Variants in TEX9 observed in about 807,000 individuals in gnomAD.
TEX9 encodes testis expressed 9, also known as testis-expressed protein 9.
Under a neutral mutation model 59.6 loss-of-function variants are expected in TEX9, and 74 were observed. The observed-to-expected ratio is 1.24, with a 90% CI of 1.03 to 1.51. TEX9 has a LOEUF of 1.51. Among genes scored for constraint, TEX9 ranks in the 40% most tolerant of loss-of-function variants. The probability of loss-of-function intolerance (pLI) is 0.00; values close to 1 mark genes in which losing one functional copy is unlikely to be tolerated. For synonymous variants in TEX9, 186 were observed against 152.2 expected (o/e 1.22, Z -1.64); for missense variants, 522 against 447.8 (o/e 1.17, Z -1.49).
intron 1 of TEX9, among the ~76,000 whole-genome samples, chr15:56,270,103 T>G (rs1468379453): frequency 2.0e-5 from 3 of 152,218 alleles, no homozygotes; most frequent in Non-Finnish European, 4.4e-5. Context: ...GATGTGGTGC[T>G]GAGAAGAATG....
At chr15:56,299,701 G>A (rs1593457) in intron 1 of TEX9, among the ~76,000 whole-genome samples, 52,892 of 151,942 alleles carry the variant, frequency 0.35, 10,584 homozygotes, top group Non-Finnish European at 0.45. Context: ...CAGCTCAACC[G>A]CAGTACAATG....
intron 5 of TEX9, among the ~76,000 whole-genome samples, chr15:56,388,892 A>C (rs2048080621): frequency 6.6e-6 from 1 of 152,064 alleles, no homozygotes; most frequent in African/African-American, 2.4e-5. Context: ...GTGACAGTGT[A>C]GAGATCACTC....
intron 1 of TEX9, among the ~76,000 whole-genome samples, chr15:56,293,832 C>T (rs555686915): frequency 6.6e-6 from 1 of 152,318 alleles, no homozygotes; most frequent in South Asian, 2.1e-4. Flanking sequence ...GGGAGGATGA[C>T]CAGAAGCTCC....
exon 6 of TEX9, chr15:56,389,326 C>A: frequency 6.2e-7 from 1 of 1,610,200 alleles, no homozygotes; most frequent in South Asian, 1.1e-5. Context: ...AGCCAAAGAC[C>A]AAAAACATTG....
intron 9 of TEX9, chr15:56,396,055 T>C (rs1432304146): frequency 6.6e-6 from 1 of 152,198 alleles, no homozygotes; most frequent in African/African-American, 2.4e-5. Context: ...TTAAATAAAC[T>C]ATCCTAGCTT....
At chr15:56,343,003 G>C (rs1305206500) in intron 1 of TEX9, among the ~76,000 whole-genome samples, 1 of 152,112 alleles carries the variant, frequency 6.6e-6, no homozygotes, top group African/African-American at 2.4e-5. Flanking sequence ...GCTGTATAAT[G>C]CTCCAACTTG....
intron 1 of TEX9, among the ~76,000 whole-genome samples, chr15:56,278,998 T>C (rs764398619): frequency 6.6e-6 from 1 of 152,214 alleles, no homozygotes; most frequent in African/African-American, 2.4e-5. Flanking sequence ...TTTAAAAATA[T>C]GATTTTTGTC....
chr15:56,283,519 T>C (rs1309980094), intron 1 of TEX9, among the ~76,000 whole-genome samples: 1 of 152,186 alleles, frequency 6.6e-6, no homozygotes, highest in Non-Finnish European at 1.5e-5. Flanking sequence ...GACAGAGTTA[T>C]TCAATAAATT....
At position 56,403,482 on chromosome 15, in the gene TEX9, G is replaced by C. The variant is rs544336130; in HGVS notation, c.828+8648G>C. ...AACCACTGCTCAATGAAATAAAAGAGGACACAAACAAATGGAAGGACATTC... is the reference window on the plus strand; with the variant it reads ...AACCACTGCTCAATGAAATAAAAGACGACACAAACAAATGGAAGGACATTC... On this transcript the variant is annotated intron_variant, in intron 9 of 12. Coordinates refer to ENST00000352903, the Ensembl canonical transcript of TEX9. Among the ~76,000 whole-genome samples, 4 of 152,250 alleles carry C rather than the reference G, an allele frequency of 2.6e-5. No individual in the cohort carries two copies. In the South Asian group the frequency reaches 6.2e-4, roughly 24 times the overall value.
At chr15:56,345,066 CAT>C (rs1567093128) in intron 1 of TEX9, among the ~76,000 whole-genome samples, 1 of 135,038 alleles carries the variant, frequency 7.4e-6, no homozygotes, top group Non-Finnish European at 1.6e-5. Context: ...TACACACACA[CAT>C]ATATATATGT....
chr15:56,384,803 T>TAAGAC (rs2047890321), intron 4 of TEX9, among the ~76,000 whole-genome samples: 1 of 152,178 alleles, frequency 6.6e-6, no homozygotes, highest in African/African-American at 2.4e-5. Flanking sequence ...AACAGGTGTC[T>TAAGAC]AATGAACTTG....
At position 56,427,744 on chromosome 15, in the gene TEX9, GTC is replaced by G. The variant is rs749014962; in HGVS notation, c.1098+7_1098+8del. The G allele has an allele frequency of 1.4e-6, 2 of 1,455,914 alleles. No individual in the cohort carries two copies. The highest frequency in any genetic ancestry group is 5.4e-5 in the Admixed American group (2 of 37,270). The allele number at this position is 1,455,914 out of a possible 1,614,324, so 90.2% of individuals were successfully genotyped here. A position where few individuals can be genotyped will look rare whatever the true frequency, so the allele number is the denominator to read the frequency against. On this transcript the variant is annotated splice_donor_region_variant and intron_variant, in intron 11 of 12. Coordinates refer to ENST00000352903, the Ensembl canonical transcript of TEX9. The stretch of plus-strand genomic sequence containing the variant: ...GATGTTTTAAAAAGGCAAAAGGTGA[GTC>G]TATCATTAAAGTTAAATCATCATAT...
At position 56,252,379 on chromosome 15, in the gene TEX9, CT is replaced by C. The variant is rs3050136; in HGVS notation, c.-107+8117del. On this transcript the variant is annotated intron_variant, in intron 1 of 5. Coordinates refer to the TEX9 transcript ENST00000560827. ...TGTTGAATTGAGCTATTAGAAAAAC[CT>C]TTTTTTTTTTTTTTTGTCCAGGCCA... Among the ~76,000 whole-genome samples the C allele has an allele frequency of 3.5e-3, 418 of 119,684 alleles. 5 individuals carry two copies. The highest frequency in any genetic ancestry group is 0.011 in the African/African-American group (342 of 31,538). 78.5% of individuals were successfully genotyped at this position (119,684 alleles called of 152,430 possible). A position where few individuals can be genotyped will look rare whatever the true frequency, so the allele number is the denominator to read the frequency against.
At chr15:56,451,709 G>A in the TEX9 span, among the ~76,000 whole-genome samples, 1 of 120,620 alleles carries the variant, frequency 8.3e-6, no homozygotes, top group African/African-American at 2.7e-5. Flanking sequence ...TGCATTCACA[G>A]TAGGTTCCTC....
chr15:56,381,326 A>G (rs2047716420), intron 3 of TEX9, among the ~76,000 whole-genome samples: 1 of 152,040 alleles, frequency 6.6e-6, no homozygotes, highest in Non-Finnish European at 1.5e-5. Flanking sequence ...GGTTTCTTTG[A>G]GCTTTCTCAA....
Position 56,369,234 on chromosome 15 carries a change from A to G in TEX9, c.119+3564A>G, listed in dbSNP as rs188479116. Reference sequence around the variant, plus strand: ...GTGACAAGGTCTTGCTCTGATGTCCAGGCTGGAGTGCAGTGGTGTGATTAT... The same window carrying G: ...GTGACAAGGTCTTGCTCTGATGTCCGGGCTGGAGTGCAGTGGTGTGATTAT... On this transcript the variant is annotated intron_variant, in intron 2 of 12. Transcript: ENST00000352903. Among the ~76,000 whole-genome samples, 296 of 152,232 alleles carry G rather than the reference A, an allele frequency of 1.9e-3. 5 individuals are homozygous for G. Among genetic ancestry groups the G allele is most frequent in the African/African-American group, 6.8e-3 (282 of 41,522 alleles).
intron 1 of TEX9, chr15:56,274,661 A>G (rs1450451205): frequency 1.3e-5 from 2 of 152,122 alleles, no homozygotes; most frequent in Non-Finnish European, 2.9e-5. Context: ...GTTAATTGCT[A>G]GAGAGTGTGT....
intron 12 of TEX9, chr15:56,434,239 C>T: frequency 6.2e-7 from 1 of 1,613,954 alleles, no homozygotes; most frequent in South Asian, 1.1e-5. Context: ...TTCATTAATT[C>T]TATTCGATCA....
chr15:56,431,607 T>C, intron 12 of TEX9: 4 of 988,166 alleles, frequency 4.0e-6, no homozygotes, highest in South Asian at 1.7e-5. Context: ...GAACTATTTA[T>C]GACACTAAGT....
Sources: gnomAD v4.1 joint callset for allele counts (sites outside exome capture counted in the v4.1 genomes callset) on GRCh38, gnomAD v4.1.1 for gene constraint, MANE v1.5 for transcripts, NCBI Gene and HGNC (gene_info 2026-07-23, HGNC 2026-07-21) for gene names.